Variants in CDH12 observed in about 807,000 individuals in gnomAD.
The protein encoded by CDH12 is cadherin 12, also known as cadherin-12.
Under a neutral mutation model 74.1 loss-of-function variants are expected in CDH12, and 41 were observed. The observed-to-expected ratio is 0.55, with a 90% CI of 0.43 to 0.72. The LOEUF is 0.72. Ranked by LOEUF, CDH12 falls within the 30% of genes least tolerant of loss-of-function variation. The probability of loss-of-function intolerance (pLI) is 0.00; values close to 1 mark genes in which losing one functional copy is unlikely to be tolerated. For synonymous variants in CDH12, 399 were observed against 355.0 expected, an observed-to-expected ratio of 1.12 and a Z score of -1.39; for missense variants, 945 against 977.2, an observed-to-expected ratio of 0.97 and a Z score of 0.44.
chr5:22,491,437 GT>G (rs1445839200), intron 2 of CDH12, among the ~76,000 whole-genome samples: 1 of 151,798 alleles, frequency 6.6e-6, no homozygotes, highest in African/African-American at 2.4e-5. Context: ...ATTGTTGTAT[GT>G]TACAAAAATT....
At chr5:21,885,180 C>T (rs534120502) in intron 6 of CDH12, among the ~76,000 whole-genome samples, 1 of 151,862 alleles carries the variant, frequency 6.6e-6, no homozygotes, top group South Asian at 2.1e-4. Flanking sequence ...AGCCACCGCG[C>T]CCAGGCAAAA....
At chr5:22,632,489 G>A (rs1448906866) in intron 1 of CDH12, among the ~76,000 whole-genome samples, 4 of 151,470 alleles carry the variant, frequency 2.6e-5, no homozygotes, top group African/African-American at 7.3e-5. Flanking sequence ...ACAAAAGAGG[G>A]GTGAAATAAA....
intron 1 of CDH12, among the ~76,000 whole-genome samples, chr5:22,836,205 CT>C (rs1554007550): frequency 6.0e-5 from 2 of 33,190 alleles, no homozygotes; most frequent in African/African-American, 1.8e-4. Context: ...GCTTTTTTTT[CT>C]TTTTTTCTTT....
At chr5:22,404,164 AT>A (rs946788835) in intron 3 of CDH12, among the ~76,000 whole-genome samples, 23 of 152,164 alleles carry the variant, frequency 1.5e-4, no homozygotes, top group African/African-American at 5.5e-4. Flanking sequence ...TGCCTTAAAA[AT>A]AATATATATT....
At chr5:22,134,412 G>A (rs1746343589) in intron 4 of CDH12, among the ~76,000 whole-genome samples, 3 of 152,118 alleles carry the variant, frequency 2.0e-5, no homozygotes, top group African/African-American at 2.4e-5. Flanking sequence ...CTAGGATAGC[G>A]GGTGGGGTGT....
At chr5:22,434,764 TG>T (rs1174005470) in intron 2 of CDH12, among the ~76,000 whole-genome samples, 1 of 152,026 alleles carries the variant, frequency 6.6e-6, no homozygotes, top group Non-Finnish European at 1.5e-5. Flanking sequence ...ATTTTTTGTG[TG>T]CTTTTTTTTT....
At chr5:22,065,788 C>T (rs754374560) in intron 5 of CDH12, among the ~76,000 whole-genome samples, 13 of 151,988 alleles carry the variant, frequency 8.6e-5, no homozygotes, top group Non-Finnish European at 1.6e-4. Context: ...GTGACAGGGG[C>T]CTTGTTGTAG....
chr5:22,065,785 G>A (rs1285415331), intron 5 of CDH12, among the ~76,000 whole-genome samples: 2 of 152,096 alleles, frequency 1.3e-5, no homozygotes, highest in Non-Finnish European at 2.9e-5. Context: ...TGGGTGACAG[G>A]GGCCTTGTTG....
At chr5:22,253,346 A>T (rs1415959015) in intron 3 of CDH12, among the ~76,000 whole-genome samples, 1 of 151,894 alleles carries the variant, frequency 6.6e-6, no homozygotes, top group East Asian at 1.9e-4. Context: ...ATAACTGTTA[A>T]TAAATAAGTA....
chr5:22,267,430 G>A (rs1736174551), intron 3 of CDH12, among the ~76,000 whole-genome samples: 1 of 152,114 alleles, frequency 6.6e-6, no homozygotes, highest in East Asian at 1.9e-4. Context: ...AAATCACAGT[G>A]CTTTATTCTA....
intron 9 of CDH12, among the ~76,000 whole-genome samples, chr5:21,813,657 C>T (rs1169355319): frequency 1.3e-5 from 2 of 152,262 alleles, no homozygotes; most frequent in South Asian, 4.1e-4. Flanking sequence ...TTCATTCCAG[C>T]CCCACTGGCC....
At chr5:21,909,077 AG>A (rs1753758579) in intron 6 of CDH12, among the ~76,000 whole-genome samples, 1 of 152,138 alleles carries the variant, frequency 6.6e-6, no homozygotes, top group Admixed American at 6.5e-5. Context: ...ATTAAAGAAA[AG>A]TTCCTCTTCC....
chr5:22,297,800 T>C (rs1193670936), intron 3 of CDH12, among the ~76,000 whole-genome samples: 2 of 152,172 alleles, frequency 1.3e-5, no homozygotes, highest in African/African-American at 4.8e-5. Flanking sequence ...TGTTATTGCT[T>C]ATCTTTAAAT....
intron 5 of CDH12, among the ~76,000 whole-genome samples, chr5:22,020,591 G>A (rs1020758749): frequency 2.0e-5 from 3 of 151,110 alleles, no homozygotes; most frequent in Non-Finnish European, 2.9e-5. Context: ...CTCCAAGATC[G>A]AGATTCATGT....
At chr5:22,420,147 T>A (rs929155003) in intron 2 of CDH12, among the ~76,000 whole-genome samples, 1 of 152,180 alleles carries the variant, frequency 6.6e-6, no homozygotes, top group Non-Finnish European at 1.5e-5. Flanking sequence ...GATGCTATTT[T>A]CTTTTGCTGT....
intron 4 of CDH12, among the ~76,000 whole-genome samples, chr5:22,088,758 A>T (rs1315091178): frequency 6.6e-6 from 1 of 152,192 alleles, no homozygotes; most frequent in Non-Finnish European, 1.5e-5. Context: ...TGATACACGC[A>T]AAGGGACAAT....
intron 11 of CDH12, among the ~76,000 whole-genome samples, chr5:21,775,314 G>A (rs1448565380): frequency 1.3e-5 from 2 of 152,194 alleles, no homozygotes; most frequent in Non-Finnish European, 2.9e-5. Flanking sequence ...ATCAGTGCTT[G>A]TTCACAGAAA....
chr5:21,817,708 A>T (rs2149947017), intron 8 of CDH12, among the ~76,000 whole-genome samples: 1 of 152,124 alleles, frequency 6.6e-6, no homozygotes, highest in South Asian at 2.1e-4. Context: ...TATATTATAG[A>T]CTAAGATTCA....
rs527617837 is a variant in CDH12 at position 22,156,702 on chromosome 5, A to G, written c.-187+55796T>C. On this transcript the variant is annotated intron_variant, in intron 4 of 14. Coordinates refer to ENST00000382254, the MANE Select transcript of CDH12 (RefSeq NM_004061.5). ...TAAAAAGAACACTCCAATGAGCACC[A>G]GAGAACTGAGACATTTTAAAATAAA... Among the ~76,000 whole-genome samples, 10 of 152,268 alleles carry G rather than the reference A, an allele frequency of 6.6e-5. No individual in the cohort carries two copies. The East Asian group carries it at 1.9e-3, about 29-fold the overall frequency.
Sources: gnomAD v4.1 joint callset for allele counts (sites outside exome capture counted in the v4.1 genomes callset) on GRCh38, gnomAD v4.1.1 for gene constraint, MANE v1.5 for transcripts, NCBI Gene and HGNC (gene_info 2026-07-23, HGNC 2026-07-21) for gene names.